CACNB4: variants seen among roughly 807,000 people sequenced by gnomAD.
CACNB4 encodes voltage-dependent L-type calcium channel subunit beta-4.
A neutral mutation model predicts 71.2 loss-of-function variants in CACNB4; 32 were observed. That is an observed-to-expected ratio of 0.45 (90% CI 0.34 to 0.60). CACNB4 has a LOEUF of 0.60. Ranked by LOEUF, CACNB4 falls within the 20% of genes least tolerant of loss-of-function variation. The probability of loss-of-function intolerance (pLI) is 0.01; values close to 1 mark genes in which losing one functional copy is unlikely to be tolerated. For synonymous variants in CACNB4, 231 were observed against 236.9 expected (o/e 0.97, Z 0.23); for missense variants, 464 against 647.9 (o/e 0.72, Z 3.08).
Position 151,900,269 on chromosome 2 carries a change from G to C in CACNB4, c.148-16899C>G, listed in dbSNP as rs995135870. ...TGTGTTCATGAAACAAGGCAGTTCA[G>C]TGCTGAACTATGTCATTTAAAAAAA... is the stretch of plus-strand genomic sequence containing the variant. On this transcript the variant is annotated intron_variant, in intron 2 of 13. Coordinates refer to ENST00000539935, the MANE Select transcript of CACNB4 (RefSeq NM_000726.5). Among the ~76,000 whole-genome samples, 4 of 152,302 alleles carry C rather than the reference G, an allele frequency of 2.6e-5. No homozygotes were observed. The South Asian group carries it at 8.3e-4, about 32-fold the overall frequency.
At chr2:152,054,711 A>G (rs1017112470) in intron 2 of CACNB4, among the ~76,000 whole-genome samples, 62 of 152,064 alleles carry the variant, frequency 4.1e-4, no homozygotes, top group African/African-American at 1.4e-3. Flanking sequence ...GAGGATTCCA[A>G]TTTCCCCATA....
chr2:152,058,792 T>A (rs1370202032), intron 2 of CACNB4, among the ~76,000 whole-genome samples: 2 of 152,358 alleles, frequency 1.3e-5, no homozygotes, highest in East Asian at 3.9e-4. Context: ...CTCCAGGGTA[T>A]GTCAGAGACC....
chr2:151,870,396 C>T (rs111379786), intron 8 of CACNB4, 135 bp downstream of exon 8: 10 of 739,966 alleles, frequency 1.4e-5, no homozygotes, highest in African/African-American at 8.6e-5. Context: ...CCACACGGTA[C>T]CCCCTGCCTT....
At chr2:152,027,619 C>T (rs1370220503) in intron 2 of CACNB4, among the ~76,000 whole-genome samples, 5 of 152,104 alleles carry the variant, frequency 3.3e-5, no homozygotes, top group Middle Eastern at 3.4e-3. Context: ...AAGCCAAAGC[C>T]GAGGCGGGCG....
chr2:151,916,137 T>C (rs2099857458), intron 2 of CACNB4, among the ~76,000 whole-genome samples: 2 of 152,184 alleles, frequency 1.3e-5, no homozygotes, highest in African/African-American at 4.8e-5. Flanking sequence ...TTCACACGCT[T>C]ATTATGGGTT....
chr2:152,091,063 A>C (rs941988544), intron 2 of CACNB4, among the ~76,000 whole-genome samples: 1 of 152,022 alleles, frequency 6.6e-6, no homozygotes, highest in Non-Finnish European at 1.5e-5. Flanking sequence ...AAAAAGTGAA[A>C]TTTAGGCAAT....
At chr2:151,863,480 G>C (rs972561703) in intron 9 of CACNB4, among the ~76,000 whole-genome samples, 1 of 152,154 alleles carries the variant, frequency 6.6e-6, no homozygotes, top group South Asian at 2.1e-4. Flanking sequence ...GAGACAAGTC[G>C]GTGGGTTTAG....
chr2:151,866,432 T>A (rs879128219), intron 9 of CACNB4: 1 of 152,258 alleles, frequency 6.6e-6, no homozygotes, highest in Non-Finnish European at 1.5e-5. Context: ...ATATTGTTTA[T>A]GCCGTGTCAC....
At position 151,840,455 on chromosome 2, in the gene CACNB4, C is replaced by T. The variant is rs77144559; in HGVS notation, c.1303-1076G>A. Among the ~76,000 whole-genome samples, 650 of 152,316 alleles carry T rather than the reference C, an allele frequency of 4.3e-3. 33 individuals carry two copies. In the East Asian group the frequency reaches 0.11, roughly 26 times the overall value. ...ATAAAAGTGCAACATTGCATTTCTA[C>T]GTACATTACAGAAGTGTATTGCTTC... On this transcript the variant is annotated intron_variant, in intron 13 of 13. Transcript: ENST00000539935.
chr2:151,876,378 C>A lies in CACNB4; in HGVS notation c.521+48G>T, dbSNP rs182238044. The A allele has an allele frequency of 3.9e-6, 6 of 1,546,502 alleles. No homozygotes were observed. In the Admixed American group the frequency reaches 7.2e-5, roughly 19 times the overall value. ...AAAGTATACACCCTTGAAAATATCA[C>A]CCAATTTTCTGACCAAAAAAAAGTG... On this transcript the variant is annotated intron_variant, in intron 5 of 13. Coordinates refer to ENST00000539935, the MANE Select transcript of CACNB4 (RefSeq NM_000726.5).
intron 2 of CACNB4, among the ~76,000 whole-genome samples, chr2:151,986,162 C>T (rs1020480897): frequency 2.0e-5 from 3 of 152,074 alleles, no homozygotes; most frequent in Non-Finnish European, 2.9e-5. Flanking sequence ...ACTTATTTAC[C>T]TTGTGTGATC....
At chr2:151,931,455 T>C (rs545930675) in intron 2 of CACNB4, among the ~76,000 whole-genome samples, 1 of 152,320 alleles carries the variant, frequency 6.6e-6, no homozygotes, top group Admixed American at 6.5e-5. Flanking sequence ...GGCAACAGCA[T>C]GTGTAGTATG....
chr2:152,001,526 TAAAAAAAAAAAAAAAA>T (rs70974816), intron 2 of CACNB4, among the ~76,000 whole-genome samples: 1,097 of 35,580 alleles, frequency 0.031, 39 homozygotes, highest in African/African-American at 0.1. Context: ...CCATCTCTAC[TAAAAAAAAAAAAAAAA>T]AAAAAAAAAA....
intron 2 of CACNB4, among the ~76,000 whole-genome samples, chr2:152,083,212 A>G (rs149574184): frequency 5.2e-4 from 79 of 152,258 alleles, no homozygotes; most frequent in African/African-American, 1.8e-3. Context: ...GTGTATATGT[A>G]TGTGTGTGTA....
intron 12 of CACNB4, among the ~76,000 whole-genome samples, chr2:151,843,033 AAAGAAC>A (rs796147389): frequency 1.9e-4 from 29 of 152,312 alleles, no homozygotes; most frequent in African/African-American, 6.5e-4. Flanking sequence ...AATGGTTAAA[AAAGAAC>A]AAGGGGTGTT....
intron 2 of CACNB4, among the ~76,000 whole-genome samples, chr2:151,920,145 G>T (rs2099858566): frequency 6.6e-6 from 1 of 150,954 alleles, no homozygotes. Flanking sequence ...AATAGAAATA[G>T]AACAATTTCT....
intron 2 of CACNB4, among the ~76,000 whole-genome samples, chr2:152,024,807 G>A (rs1015966524): frequency 6.6e-6 from 1 of 152,222 alleles, no homozygotes; most frequent in African/African-American, 2.4e-5. Flanking sequence ...TGTAATCCTA[G>A]CACTTTGGGA....
chr2:152,036,446 C>T (rs961852521), intron 2 of CACNB4, among the ~76,000 whole-genome samples: 4 of 152,080 alleles, frequency 2.6e-5, no homozygotes, highest in Non-Finnish European at 4.4e-5. Flanking sequence ...ATTACAGGCG[C>T]GCGCCACCAT....
At chr2:151,849,102 G>A (rs371875615) in intron 12 of CACNB4, among the ~76,000 whole-genome samples, 1 of 152,116 alleles carries the variant, frequency 6.6e-6, no homozygotes, top group East Asian at 1.9e-4. Context: ...TGGGCAACGA[G>A]AGGAAAGTCC....
Sources: allele counts gnomAD v4.1 joint callset (sites outside exome capture counted in the v4.1 genomes callset), GRCh38; gene constraint gnomAD v4.1.1; transcripts MANE v1.5; gene names NCBI Gene and HGNC (gene_info 2026-07-23, HGNC 2026-07-21).